The following ARHGAP25 variants were observed in gnomAD, a reference collection of about 807,000 sequenced individuals.
ARHGAP25 encodes rho GTPase-activating protein 25.
ARHGAP25 carries 34 observed loss-of-function variants against 71.0 expected under a neutral mutation model. The observed-to-expected ratio is 0.48, with a 90% confidence interval of 0.36 to 0.64. The LOEUF is 0.64. Among genes scored for constraint, ARHGAP25 ranks in the 30% least tolerant of loss-of-function variants. ARHGAP25 has a pLI of 0.00. For missense variants in ARHGAP25, 706 were observed against 805.1 expected (o/e 0.88, Z 1.49); for synonymous variants, 282 against 296.5 (o/e 0.95, Z 0.50).
At chr2:68,775,743 G>A in intron 2 of ARHGAP25, 1 of 526,004 alleles carries the variant, frequency 1.9e-6, no homozygotes, top group South Asian at 1.5e-5. Context: ...CAGGAAAACC[G>A]ATTTTGGGAC....
intron 9 of ARHGAP25, 99 bp from the exon 10 acceptor site, chr2:68,822,241 C>A: frequency 8.6e-7 from 1 of 1,167,356 alleles, no homozygotes; most frequent in Non-Finnish European, 1.2e-6. Flanking sequence ...AGGTATGCTA[C>A]CAGGAAACTT....
chr2:68,720,358 A>G lies in ARHGAP25; in HGVS notation c.-18+9660A>G, dbSNP rs1162665233. ...AGAAAAGAAAAGAAAAGAAAAAAGA[A>G]AAAAAAAAGCTCCTATACTTGCTCT... On this transcript the variant is annotated intron_variant and NMD_transcript_variant, in intron 2 of 7. Transcript: ENST00000463483. 4.6e-5 allele frequency among the ~76,000 whole-genome samples: 7 copies of G among 151,226 alleles called. No homozygotes were observed. The East Asian group carries it at 5.8e-4, about 13-fold the overall frequency.
At chr2:68,735,291 G>C in intron 1 of ARHGAP25, 31 bp downstream of exon 1, 1 of 1,602,260 alleles carries the variant, frequency 6.2e-7, no homozygotes, top group Non-Finnish European at 8.6e-7. Context: ...TTGCCTCTGT[G>C]ATTCTTACGT....
intron 6 of ARHGAP25, among the ~76,000 whole-genome samples, chr2:68,815,203 CT>C (rs1046588559): frequency 3.3e-5 from 5 of 152,202 alleles, no homozygotes; most frequent in African/African-American, 9.6e-5. Context: ...GTCCTTCTCA[CT>C]GGTGAAAACA....
intron 2 of ARHGAP25, among the ~76,000 whole-genome samples, chr2:68,719,734 A>T (rs547555522): frequency 3.3e-5 from 5 of 152,178 alleles, no homozygotes; most frequent in Non-Finnish European, 5.9e-5. Flanking sequence ...TATACATGAA[A>T]CCTACTTCTT....
chr2:68,775,025 A>T, intron 1 of ARHGAP25, 196 bp from the exon 2 acceptor site: 2 of 1,497,372 alleles, frequency 1.3e-6, no homozygotes, highest in Non-Finnish European at 1.8e-6. Flanking sequence ...CCTGGCCCTG[A>T]CCGGGAGCTG....
At chr2:68,725,000 A>G (rs1320453306) in intron 2 of ARHGAP25, among the ~76,000 whole-genome samples, 1 of 152,150 alleles carries the variant, frequency 6.6e-6, no homozygotes, top group Non-Finnish European at 1.5e-5. Flanking sequence ...CATCACCCCC[A>G]TGACTGAATG....
At chr2:68,796,585 T>C (rs944822468) in intron 4 of ARHGAP25, among the ~76,000 whole-genome samples, 1 of 152,228 alleles carries the variant, frequency 6.6e-6, no homozygotes, top group African/African-American at 2.4e-5. Context: ...GTGGTGAAGA[T>C]GCTGTATGAT....
intron 1 of ARHGAP25, among the ~76,000 whole-genome samples, chr2:68,739,066 A>C (rs1362680728): frequency 6.6e-6 from 1 of 152,208 alleles, no homozygotes; most frequent in Non-Finnish European, 1.5e-5. Flanking sequence ...CCATTTGAGG[A>C]AAAAGGACTG....
At chr2:68,751,333 G>GGAAA (rs1356843185) in intron 1 of ARHGAP25, among the ~76,000 whole-genome samples, 3 of 152,160 alleles carry the variant, frequency 2.0e-5, no homozygotes, top group Non-Finnish European at 4.4e-5. Context: ...GGAAGGGCCA[G>GGAAA]GAAAAACTCA....
chr2:68,750,581 A>G (rs1362957148), intron 1 of ARHGAP25, among the ~76,000 whole-genome samples: 2 of 152,108 alleles, frequency 1.3e-5, no homozygotes, highest in African/African-American at 4.8e-5. Context: ...TCGGCCTCCC[A>G]AAGTGCTGGG....
At chr2:68,742,915 G>A (rs1191042394) in intron 1 of ARHGAP25, among the ~76,000 whole-genome samples, 1 of 152,166 alleles carries the variant, frequency 6.6e-6, no homozygotes, top group East Asian at 1.9e-4. Context: ...CAATTTGCAT[G>A]AATTGTGTCA....
chr2:68,718,551 A>G (rs75462572), intron 2 of ARHGAP25, among the ~76,000 whole-genome samples: 27 of 134,274 alleles, frequency 2.0e-4, no homozygotes, highest in Non-Finnish European at 4.0e-4. Context: ...GTGTGTGTGT[A>G]TGTATAGATA....
chr2:68,741,558 A>T (rs1675523736), intron 1 of ARHGAP25, among the ~76,000 whole-genome samples: 1 of 152,150 alleles, frequency 6.6e-6, no homozygotes, highest in Admixed American at 6.5e-5. Flanking sequence ...TAATTTCCAT[A>T]CTTTAAAAAA....
chr2:68,803,342 A>G (rs892798735), intron 4 of ARHGAP25, among the ~76,000 whole-genome samples: 3 of 152,250 alleles, frequency 2.0e-5, no homozygotes, highest in Admixed American at 2.0e-4. Flanking sequence ...AGGGTGTGGA[A>G]TGAACATTAG....
intron 10 of ARHGAP25, among the ~76,000 whole-genome samples, chr2:68,823,857 G>A (rs1489905867): frequency 1.3e-5 from 2 of 152,118 alleles, no homozygotes; most frequent in Non-Finnish European, 2.9e-5. Flanking sequence ...TGTTCTCTTG[G>A]GTAGATAGAG....
chr2:68,758,953 T>G (rs72828888), intron 1 of ARHGAP25, among the ~76,000 whole-genome samples: 13,680 of 151,736 alleles, frequency 0.09, 708 homozygotes, highest in Non-Finnish European at 0.11. Context: ...AAAGAAGGAA[T>G]AGTAGAAAAT....
At chr2:68,722,970 C>T (rs1674798704) in intron 2 of ARHGAP25, among the ~76,000 whole-genome samples, 1 of 152,188 alleles carries the variant, frequency 6.6e-6, no homozygotes, top group African/African-American at 2.4e-5. Context: ...GGCCTGTGCT[C>T]CAGCAGAGGG....
At chr2:68,824,134 C>A (rs60327112) in intron 10 of ARHGAP25, among the ~76,000 whole-genome samples, 3,325 of 152,296 alleles carry the variant, frequency 0.022, 127 homozygotes, top group African/African-American at 0.075. Context: ...GAACCTGAAA[C>A]CAATCATTTG....
Sources: allele counts gnomAD v4.1 joint callset (sites outside exome capture counted in the v4.1 genomes callset), GRCh38; gene constraint gnomAD v4.1.1; transcripts MANE v1.5; gene names NCBI Gene and HGNC (gene_info 2026-07-23, HGNC 2026-07-21).